The following DNAJC10 variants were observed in gnomAD, a reference collection of about 807,000 sequenced individuals.
The protein encoded by DNAJC10 is DnaJ heat shock protein family (Hsp40) member C10.
A neutral mutation model predicts 115.0 loss-of-function variants in DNAJC10; 101 were observed. The observed-to-expected ratio is 0.88, with a 90% CI of 0.75 to 1.04. The LOEUF is 1.04. DNAJC10 is among the 50% of genes least tolerant of loss of function. The pLI is 0.00. For missense variants in DNAJC10, 981 were observed against 928.8 expected, an observed-to-expected ratio of 1.06 and a Z score of -0.73; for synonymous variants, 307 against 301.5, an observed-to-expected ratio of 1.02 and a Z score of -0.19.
At chr2:182,731,904 T>C (rs1158488675) in intron 9 of DNAJC10, among the ~76,000 whole-genome samples, 1 of 152,176 alleles carries the variant, frequency 6.6e-6, no homozygotes, top group African/African-American at 2.4e-5. Context: ...CCCAAATTTC[T>C]GTTCATCCAC....
intron 22 of DNAJC10, among the ~76,000 whole-genome samples, chr2:182,768,551 C>T (rs1024452335): frequency 6.6e-6 from 1 of 152,120 alleles, no homozygotes; most frequent in African/African-American, 2.4e-5. Context: ...AAACACAAAC[C>T]AGGTGGGCAG....
chr2:182,757,968 A>C, intron 19 of DNAJC10, 143 bp downstream of exon 19: 1 of 547,292 alleles, frequency 1.8e-6, no homozygotes, highest in East Asian at 3.0e-5. Context: ...GTTAATGAAC[A>C]TTTCAGAAGA....
rs1695019627 is a variant in DNAJC10 at position 182,789,916 on chromosome 2, A to G, written c.*12784A>G. On this transcript the variant is annotated 3_prime_UTR_variant, in exon 24 of 24. Coordinates refer to ENST00000264065, the MANE Select transcript of DNAJC10 (RefSeq NM_018981.4). ...TTGATTTGTACTTTTAGAGTCTTTA[A>G]ATTATTACTTTTTCCATATCAAAGT... is the stretch of plus-strand genomic sequence containing the variant. 1 of 152,098 alleles carries G rather than the reference A, an allele frequency of 6.6e-6. No homozygotes were observed. The allele number at this position is 152,098 out of a possible 1,614,324, so 9.4% of individuals were successfully genotyped here.
chr2:182,753,201 C>G (rs1396096363), intron 16 of DNAJC10, among the ~76,000 whole-genome samples: 1 of 152,052 alleles, frequency 6.6e-6, no homozygotes, highest in Non-Finnish European at 1.5e-5. Flanking sequence ...GTAAAAGTAG[C>G]CATGAGTCAG....
rs1694934225 is a variant in DNAJC10 at position 182,785,720 on chromosome 2, A to C, written c.*8588A>C. ...TTTTCAGTCATGAGCCAAATGCAGTATGTGGGCTATATTTGCATCTTGATT... is the reference window on the plus strand; with the variant it reads ...TTTTCAGTCATGAGCCAAATGCAGTCTGTGGGCTATATTTGCATCTTGATT... On this transcript the variant is annotated 3_prime_UTR_variant, in exon 24 of 24. Transcript: ENST00000264065. 1 of 152,148 alleles carries C rather than the reference A, an allele frequency of 6.6e-6. No individual in the cohort carries two copies. The highest frequency in any genetic ancestry group is 2.4e-5 in the African/African-American group (1 of 41,450). The allele number at this position is 152,148 out of a possible 1,614,324, so 9.4% of individuals were successfully genotyped here. A position where few individuals can be genotyped will look rare whatever the true frequency, so the allele number is the denominator to read the frequency against.
intron 4 of DNAJC10, 34 bp downstream of exon 4, chr2:182,720,203 TTTATC>T: frequency 3.2e-6 from 5 of 1,543,190 alleles, no homozygotes; most frequent in Non-Finnish European, 4.4e-6. Flanking sequence ...TGAAATGTGT[TTTATC>T]TGAGTAAAAG....
intron 22 of DNAJC10, among the ~76,000 whole-genome samples, chr2:182,772,107 A>C (rs1466556281): frequency 6.6e-6 from 1 of 152,196 alleles, no homozygotes; most frequent in Non-Finnish European, 1.5e-5. Flanking sequence ...TAGGTTGTTC[A>C]GTTTCCACTA....
chr2:182,741,272 A>AT lies in DNAJC10; in HGVS notation c.1113dup (p.His372SerfsTer6). Reference sequence around the variant, plus strand: ...GTTTGGCTCATCATCGGTGGCTGTTATTTTTTCATTTTGGAAAAAATGAAA... The same window carrying AT: ...GTTTGGCTCATCATCGGTGGCTGTTATTTTTTTCATTTTGGAAAAAATGAAA... On this transcript the variant is annotated frameshift_variant, in exon 13 of 24. Transcript: ENST00000264065. LOFTEE classifies it high-confidence loss of function. 1 of 1,604,958 alleles carries AT rather than the reference A, an allele frequency of 6.2e-7. No individual in the cohort carries two copies. Among genetic ancestry groups the AT allele is most frequent in the Non-Finnish European group, 8.5e-7 (1 of 1,177,004 alleles).
chr2:182,728,931 A>C lies in DNAJC10; in HGVS notation c.570A>C (p.Arg190Ser). Residue 190 changes from arginine to serine, a missense_variant, in exon 7 of 24, where the codon AGA becomes AGC. Coordinates refer to ENST00000264065, the MANE Select transcript of DNAJC10 (RefSeq NM_018981.4). ...GAGCTGTTAACTGTGGTGATGATAGAATGCTTTGCCGAATGAAAGGAGTCA... is the reference window on the plus strand; with the variant it reads ...GAGCTGTTAACTGTGGTGATGATAGCATGCTTTGCCGAATGAAAGGAGTCA... ...RIGAVNCGDDRMLCRMKGVNS... is the reference protein window; with the variant it reads ...RIGAVNCGDDSMLCRMKGVNS... The C allele has an allele frequency of 6.2e-7, 1 of 1,614,026 alleles. No individual in the cohort carries two copies. The highest frequency in any genetic ancestry group is 8.5e-7 in the Non-Finnish European group (1 of 1,179,966).
chr2:182,742,610 C>T (rs1055781495), intron 13 of DNAJC10, among the ~76,000 whole-genome samples: 3 of 152,226 alleles, frequency 2.0e-5, no homozygotes, highest in Non-Finnish European at 4.4e-5. Context: ...GTGGCCATTT[C>T]TCCACGCTGT....
At chr2:182,755,404 C>T (rs968361694) in intron 17 of DNAJC10, among the ~76,000 whole-genome samples, 1 of 147,058 alleles carries the variant, frequency 6.8e-6, no homozygotes, top group Non-Finnish European at 1.5e-5. Flanking sequence ...GCACTGTTTT[C>T]TCTGAAAACA....
At chr2:182,718,321 G>T (rs368138072) in intron 3 of DNAJC10, 31 bp downstream of exon 3, 272 of 1,504,910 alleles carry the variant, frequency 1.8e-4, no homozygotes, top group Admixed American at 3.1e-4. Flanking sequence ...AAAAATATTT[G>T]ATTATATTTT....
At chr2:182,771,453 G>A (rs1190803532) in intron 22 of DNAJC10, among the ~76,000 whole-genome samples, 1 of 152,102 alleles carries the variant, frequency 6.6e-6, no homozygotes, top group Non-Finnish European at 1.5e-5. Flanking sequence ...AATCCTTCTG[G>A]TCCTGGACTT....
chr2:182,753,606 A>G (rs1379538058), intron 16 of DNAJC10, among the ~76,000 whole-genome samples: 5 of 90,736 alleles, frequency 5.5e-5, no homozygotes, highest in African/African-American at 1.8e-4. Flanking sequence ...TTTTTGAGAC[A>G]GAGTCTTGCT....
At chr2:182,728,472 G>A (rs1693347955) in intron 5 of DNAJC10, 104 bp from the exon 6 acceptor site, 2 of 653,484 alleles carry the variant, frequency 3.1e-6, no homozygotes, top group East Asian at 5.7e-5. Context: ...TATGAAAATT[G>A]CATGACTTTT....
At chr2:182,771,180 T>C (rs1694552720) in intron 22 of DNAJC10, among the ~76,000 whole-genome samples, 1 of 152,214 alleles carries the variant, frequency 6.6e-6, no homozygotes, top group Non-Finnish European at 1.5e-5. Flanking sequence ...TGGATAAGCT[T>C]TTTGATGTGC....
chr2:182,753,410 C>T (rs1291733786), intron 16 of DNAJC10, among the ~76,000 whole-genome samples: 2 of 151,956 alleles, frequency 1.3e-5, no homozygotes, highest in East Asian at 3.9e-4. Flanking sequence ...AAGCCAGCAG[C>T]AATGGCACAT....
At chr2:182,759,383 A>G (rs1694236805) in intron 21 of DNAJC10, 76 bp downstream of exon 21, 1 of 1,436,328 alleles carries the variant, frequency 7.0e-7, no homozygotes, top group African/African-American at 1.5e-5. Flanking sequence ...GTAAGTATGT[A>G]ATTTTTAGGT....
chr2:182,745,152 C>T (rs1457344794), intron 14 of DNAJC10, among the ~76,000 whole-genome samples: 3 of 152,202 alleles, frequency 2.0e-5, no homozygotes, highest in Non-Finnish European at 4.4e-5. Flanking sequence ...ATAATCTCAT[C>T]TGTTTTGCTC....
Sources: allele counts gnomAD v4.1 joint callset (sites outside exome capture counted in the v4.1 genomes callset), GRCh38; gene constraint gnomAD v4.1.1; transcripts MANE v1.5; gene names NCBI Gene and HGNC (gene_info 2026-07-23, HGNC 2026-07-21).